DCTN4: variants seen among roughly 807,000 people sequenced by gnomAD.
The protein encoded by DCTN4 is dynactin subunit 4.
A neutral mutation model predicts 62.7 loss-of-function variants in DCTN4; 23 were observed. The observed-to-expected ratio is 0.37, with a 90% confidence interval of 0.26 to 0.52. DCTN4 has a LOEUF of 0.52. Ranked by LOEUF, DCTN4 falls within the 20% of genes least tolerant of loss-of-function variation. The pLI, the probability that DCTN4 is intolerant of heterozygous loss-of-function variation, is 0.92. For synonymous variants in DCTN4, 199 were observed against 202.1 expected (o/e 0.98, Z 0.13); for missense variants, 514 against 580.4 (o/e 0.89, Z 1.18).
At chr5:150,718,219 A>C in intron 11 of DCTN4, 57 bp downstream of exon 11, 1 of 1,221,270 alleles carries the variant, frequency 8.2e-7, no homozygotes. Flanking sequence ...AGCCAGGTCA[A>C]ATGAGGACAC....
At chr5:150,751,226 T>C (rs1227215892) in intron 3 of DCTN4, among the ~76,000 whole-genome samples, 29 of 152,136 alleles carry the variant, frequency 1.9e-4, no homozygotes, top group Admixed American at 1.9e-3. Flanking sequence ...CTTAAGTGGT[T>C]TCAGGGCTTC....
At chr5:150,729,672 A>G (rs1295353251) in intron 8 of DCTN4, among the ~76,000 whole-genome samples, 1 of 149,428 alleles carries the variant, frequency 6.7e-6, no homozygotes, top group Non-Finnish European at 1.5e-5. Context: ...TGCAGTGGCT[A>G]TTCACAGGCA....
chr5:150,733,655 TG>T lies in DCTN4; in HGVS notation c.430-181del. 5 of 470,836 alleles carry T rather than the reference TG, an allele frequency of 1.1e-5. No individual in the cohort carries two copies. The South Asian group carries it at 1.7e-4, about 16-fold the overall frequency. The allele number at this position is 470,836 out of a possible 1,614,324, so 29.2% of individuals were successfully genotyped here. ...ATGTGATCTGTTTTCCGAAGTGAAA[TG>T]GAAAACTGAAGTTCAAGGATGGGAA... On this transcript the variant is annotated intron_variant, in intron 4 of 12. Coordinates refer to ENST00000447998, the MANE Select transcript of DCTN4 (RefSeq NM_016221.4).
chr5:150,746,064 A>G (rs1760950057), intron 3 of DCTN4, among the ~76,000 whole-genome samples: 1 of 151,242 alleles, frequency 6.6e-6, no homozygotes, highest in South Asian at 2.1e-4. Context: ...TAAAGAAAAA[A>G]AGAGAGAAGA....
rs138527266 is a variant in DCTN4 at position 150,726,054 on chromosome 5, A to T, written c.835-3074T>A. ...ACAAACCTATATTTTAAGCAGAATT[A>T]AAAAAAAAATAAGCTGGTATAAGGC... On this transcript the variant is annotated intron_variant, in intron 8 of 12. Coordinates refer to ENST00000447998, the MANE Select transcript of DCTN4 (RefSeq NM_016221.4). 8.0e-3 allele frequency among the ~76,000 whole-genome samples: 1,199 copies of T among 150,020 alleles called. 19 individuals are homozygous for T. The highest frequency in any genetic ancestry group is 0.028 in the African/African-American group (1,139 of 40,962).
chr5:150,733,317 T>C (rs529908466), intron 5 of DCTN4, 51 bp downstream of exon 5: 2 of 1,311,626 alleles, frequency 1.5e-6, no homozygotes, highest in East Asian at 2.3e-5. Flanking sequence ...AAATGATCAC[T>C]GTTCTTAGGC....
At position 150,727,668 on chromosome 5, in the gene DCTN4, C is replaced by T. The variant is rs542152731; in HGVS notation, c.834+2963G>A. Among the ~76,000 whole-genome samples the T allele has an allele frequency of 1.7e-4, 25 of 147,798 alleles. No homozygotes were observed. The East Asian group carries it at 4.7e-3, about 28-fold the overall frequency. Reference sequence around the variant, plus strand: ...GCGGGCGCCTGTAGTCCCAGCTACTCGGGAGGCTGAGGCAGGAGAATGGCG... The same window carrying T: ...GCGGGCGCCTGTAGTCCCAGCTACTTGGGAGGCTGAGGCAGGAGAATGGCG... On this transcript the variant is annotated intron_variant, in intron 8 of 12. Transcript: ENST00000447998.
At chr5:150,729,698 A>G (rs1760288758) in intron 8 of DCTN4, among the ~76,000 whole-genome samples, 1 of 151,468 alleles carries the variant, frequency 6.6e-6, no homozygotes, top group Admixed American at 6.6e-5. Context: ...ATCACACACT[A>G]CAGTCTCAAA....
intron 9 of DCTN4, among the ~76,000 whole-genome samples, chr5:150,720,251 G>A (rs1360069678): frequency 6.6e-6 from 1 of 151,930 alleles, no homozygotes; most frequent in Admixed American, 6.6e-5. Context: ...TAAAAGTGGG[G>A]GAAAAAGTAC....
chr5:150,749,408 T>C (rs1002625150), intron 3 of DCTN4, among the ~76,000 whole-genome samples: 1 of 152,184 alleles, frequency 6.6e-6, no homozygotes, highest in Non-Finnish European at 1.5e-5. Context: ...CTGCTGTACA[T>C]GTGCTAGAAT....
rs771568491 is a variant in DCTN4, at chr5:150,718,249, A to C, written c.1071+27T>G. ...GGACACTCCAGGGAAAGTGCGGGTCAGTCAGGCTGAGGCAAAATGCTCCTA... is the reference window on the plus strand; with the variant it reads ...GGACACTCCAGGGAAAGTGCGGGTCCGTCAGGCTGAGGCAAAATGCTCCTA... On this transcript the variant is annotated intron_variant, in intron 11 of 12. Transcript: ENST00000447998. The C allele has an allele frequency of 5.2e-6, 8 of 1,524,132 alleles. No individual in the cohort carries two copies. In the East Asian group the frequency reaches 1.8e-4, roughly 34 times the overall value. The allele number at this position is 1,524,132 out of a possible 1,614,324, so 94.4% of individuals were successfully genotyped here. A position where few individuals can be genotyped will look rare whatever the true frequency, so the allele number is the denominator to read the frequency against.
At chr5:150,748,271 A>C (rs1342731118) in intron 3 of DCTN4, among the ~76,000 whole-genome samples, 1 of 149,510 alleles carries the variant, frequency 6.7e-6, no homozygotes, top group East Asian at 2.0e-4. Flanking sequence ...GGCAATCATT[A>C]AAAAGTCAGG....
At chr5:150,731,921 A>G (rs1230521455) in intron 5 of DCTN4, 1 of 1,551,696 alleles carries the variant, frequency 6.4e-7, no homozygotes, top group South Asian at 1.2e-5. Flanking sequence ...AGAGCCCCAA[A>G]ATAGCAGCAG....
chr5:150,747,553 C>T (rs1340864968), intron 3 of DCTN4, among the ~76,000 whole-genome samples: 1 of 152,212 alleles, frequency 6.6e-6, no homozygotes, highest in African/African-American at 2.4e-5. Flanking sequence ...TACAAGGCTA[C>T]AGTAACCAAA....
rs1760331147 is a variant in DCTN4 at position 150,730,748 on chromosome 5, G to T, written c.725-8C>A. ...GCTGCTGAAGGGTTGTTACTAGAAA[G>T]AAAGGCAGAAAACAGGCTTAGTTTA... On this transcript the variant is annotated splice_region_variant and splice_polypyrimidine_tract_variant and intron_variant, in intron 7 of 12. Transcript: ENST00000447998. 2 of 1,612,190 alleles carry T rather than the reference G, an allele frequency of 1.2e-6. No individual in the cohort carries two copies. Among genetic ancestry groups the T allele is most frequent in the Admixed American group, 3.3e-5 (2 of 59,916 alleles).
intron 8 of DCTN4, among the ~76,000 whole-genome samples, chr5:150,725,378 A>C (rs1435651564): frequency 6.6e-6 from 1 of 151,632 alleles, no homozygotes; most frequent in Non-Finnish European, 1.5e-5. Context: ...TATTTATATA[A>C]ATTTATATCA....
rs779468194 is a variant in DCTN4, at chr5:150,718,358, G to T, written c.989C>A (p.Thr330Lys). 1.4e-5 allele frequency: 22 copies of T among 1,614,010 alleles called. No individual in the cohort carries two copies. Among genetic ancestry groups the T allele is most frequent in the South Asian group, 3.3e-5 (3 of 91,046 alleles). The change falls in exon 11 of 13, where the codon ACA (threonine) becomes AAA (lysine). Residue 330 changes from threonine to lysine, a missense_variant. Coordinates refer to ENST00000447998, the MANE Select transcript of DCTN4 (RefSeq NM_016221.4). ...MKESQVLLTL[T>K]NPVENLTHVT... The stretch of plus-strand genomic sequence containing the variant: ...ATGGGTGAGGTTCTCAACTGGATTT[G>T]TAAGAGTCAGGAGGACCTGGCTCTC...
At position 150,710,882 on chromosome 5, in the gene DCTN4, G is replaced by A; in HGVS notation, c.*267C>T. 4.3e-6 allele frequency: 2 copies of A among 463,908 alleles called. No homozygotes were observed. The highest frequency in any genetic ancestry group is 4.8e-5 in the South Asian group (2 of 41,378). The allele number at this position is 463,908 out of a possible 1,614,324, so 28.7% of individuals were successfully genotyped here. On this transcript the variant is annotated 3_prime_UTR_variant, in exon 13 of 13. Transcript: ENST00000447998. ...CAAGGAACACCCATCCCCTTTCCTA[G>A]GATGGAATTATGCTGCTGTTACTCA...
intron 4 of DCTN4, among the ~76,000 whole-genome samples, chr5:150,739,326 C>G (rs982770373): frequency 6.6e-6 from 1 of 151,946 alleles, no homozygotes; most frequent in Admixed American, 6.6e-5. Context: ...GCCGCAAAAA[C>G]CCCACCCAAA....
Sources: gnomAD v4.1 joint callset for allele counts (sites outside exome capture counted in the v4.1 genomes callset) on GRCh38, gnomAD v4.1.1 for gene constraint, MANE v1.5 for transcripts, NCBI Gene and HGNC (gene_info 2026-07-23, HGNC 2026-07-21) for gene names.